WFDC5: variants seen among roughly 807,000 people sequenced by gnomAD.
WFDC5 encodes WAP four-disulfide core domain 5.
A neutral mutation model predicts 15.7 loss-of-function variants in WFDC5; 15 were observed. That is an observed-to-expected ratio of 0.96 (90% CI 0.64 to 1.47). WFDC5 has a LOEUF of 1.47. Among genes scored for constraint, WFDC5 ranks in the 40% most tolerant of loss-of-function variants. WFDC5 has a pLI of 0.00. For missense variants in WFDC5, 280 were observed against 258.0 expected (o/e 1.09, Z -0.59); for synonymous variants, 109 against 107.7 (o/e 1.01, Z -0.07).
At chr20:45,113,359 T>A (rs1315414111) in intron 1 of WFDC5, among the ~76,000 whole-genome samples, 1 of 152,152 alleles carries the variant, frequency 6.6e-6, no homozygotes, top group Non-Finnish European at 1.5e-5. Context: ...GAGAAACCAG[T>A]GGGGGACAAG....
intron 1 of WFDC5, among the ~76,000 whole-genome samples, chr20:45,113,048 A>T (rs185119790): frequency 6.6e-6 from 1 of 152,206 alleles, no homozygotes; most frequent in Non-Finnish European, 1.5e-5. Flanking sequence ...ATACATAAGC[A>T]TACACAGTCA....
Position 45,112,984 on chromosome 20 carries a change from C to T in WFDC5, c.85+2015G>A, listed in dbSNP as rs74274725. ...ACACAGATAGACACTCAGACACACACAGTTATGTATATAAATATATAAATA... is the reference window on the plus strand; with the variant it reads ...ACACAGATAGACACTCAGACACACATAGTTATGTATATAAATATATAAATA... On this transcript the variant is annotated intron_variant, in intron 1 of 3. Coordinates refer to ENST00000307971, the Ensembl canonical transcript of WFDC5. Among the ~76,000 whole-genome samples, 174 of 152,226 alleles carry T rather than the reference C, an allele frequency of 1.1e-3. 4 individuals are homozygous for T. The East Asian group carries it at 0.031, about 27-fold the overall frequency.
chr20:45,111,566 C>T (rs554045033), intron 1 of WFDC5, among the ~76,000 whole-genome samples: 3 of 152,312 alleles, frequency 2.0e-5, no homozygotes, highest in South Asian at 4.1e-4. Flanking sequence ...TGCACCGTTG[C>T]GTTCATCACT....
intron 1 of WFDC5, among the ~76,000 whole-genome samples, chr20:45,112,312 G>A (rs1319496130): frequency 1.3e-5 from 2 of 152,116 alleles, no homozygotes; most frequent in African/African-American, 4.8e-5. Flanking sequence ...AGCCGGGTGG[G>A]TCAGGCAGGG....
chr20:45,113,718 C>G (rs1041778692), intron 1 of WFDC5, among the ~76,000 whole-genome samples: 1 of 152,246 alleles, frequency 6.6e-6, no homozygotes, highest in African/African-American at 2.4e-5. Flanking sequence ...CTAAGTCATT[C>G]TTTGTTCTCT....
intron 1 of WFDC5, 106 bp downstream of exon 1, chr20:45,114,881 ACACACACACGCG>A (rs142175629): frequency 0.011 from 11,350 of 1,018,044 alleles, 186 homozygotes; most frequent in African/African-American, 0.061. Flanking sequence ...GCACGCACGC[ACACACACACGCG>A]CACACACACC....
At chr20:45,110,292 G>A in intron 3 of WFDC5, 108 bp downstream of exon 3, 2 of 1,505,892 alleles carry the variant, frequency 1.3e-6, no homozygotes, top group Middle Eastern at 4.7e-4. Context: ...GGCCATGGGA[G>A]GTCCTGACTT....
chr20:45,116,287 C>G (rs780033262), upstream of WFDC5, among the ~76,000 whole-genome samples: 11 of 152,156 alleles, frequency 7.2e-5, no homozygotes, highest in Non-Finnish European at 1.5e-4. Flanking sequence ...CTTCTATGAT[C>G]TGATGTTGCT....
chr20:45,115,177 G>A, upstream of WFDC5: 1 of 1,229,760 alleles, frequency 8.1e-7, no homozygotes, highest in Non-Finnish European at 1.1e-6. Context: ...GGAAAGAGAG[G>A]GGGTGTGGAG....
At position 45,110,415 on chromosome 20, in the gene WFDC5, G is replaced by A. The variant is rs756806925; in HGVS notation, c.352C>T (p.Arg118Trp). 2.1e-5 allele frequency: 34 copies of A among 1,606,224 alleles called. No homozygotes were observed. The highest frequency in any genetic ancestry group is 1.1e-4 in the East Asian group (5 of 44,642). The change falls in exon 3 of 4, where the codon CGG becomes TGG. Residue 118 changes from arginine to tryptophan, a missense_variant. Transcript: ENST00000307971. ...GGAGCCGTACCTCTGGCAGGATCCC[G>A]GCAATCCCGCCCGCAGGCGCTGTGG...
At chr20:45,109,902 G>T (rs188147053) in exon 4 of WFDC5, 12 of 1,490,636 alleles carry the variant, frequency 8.1e-6, no homozygotes, top group Non-Finnish European at 9.4e-6. Context: ...TGGAACCACC[G>T]CTGGTAGAGA....
At chr20:45,110,950 G>A (rs1223581004) in intron 1 of WFDC5, among the ~76,000 whole-genome samples, 175 bp from the exon 2 acceptor site, 1 of 152,130 alleles carries the variant, frequency 6.6e-6, no homozygotes, top group African/African-American at 2.4e-5. Context: ...CAGTTTTCTG[G>A]CTGTGAAATG....
chr20:45,110,471 T>C (rs1379340073), exon 3 of WFDC5: 1 of 1,614,112 alleles, frequency 6.2e-7, no homozygotes, highest in East Asian at 2.2e-5. Flanking sequence ...GCAGTCTGAG[T>C]CCTTGTGACA....
chr20:45,112,885 G>T (rs1269437083), intron 1 of WFDC5, among the ~76,000 whole-genome samples: 1 of 152,030 alleles, frequency 6.6e-6, no homozygotes, highest in Non-Finnish European at 1.5e-5. Context: ...ATATAAACAG[G>T]CAGTCATGTA....
At chr20:45,110,743 G>A (rs1310334769) in exon 2 of WFDC5, 4 of 1,614,146 alleles carry the variant, frequency 2.5e-6, no homozygotes, top group South Asian at 1.1e-5. Flanking sequence ...AGGAGGCAGG[G>A]CCCATCATCT....
intron 1 of WFDC5, among the ~76,000 whole-genome samples, chr20:45,113,195 A>T (rs1981668351): frequency 6.6e-6 from 1 of 152,188 alleles, no homozygotes; most frequent in Admixed American, 6.5e-5. Flanking sequence ...AGACACCCAG[A>T]CGTTTGAGTG....
rs1468119045 is a variant in WFDC5, at chr20:45,111,721, G to C, written c.86-946C>G. On this transcript the variant is annotated intron_variant, in intron 1 of 3. Coordinates refer to ENST00000307971, the Ensembl canonical transcript of WFDC5. ...GCCATGTTCATATTTCATGCACAAAGCTGGAAATCAGTATCCTCCTCCATG... is the reference window on the plus strand; with the variant it reads ...GCCATGTTCATATTTCATGCACAAACCTGGAAATCAGTATCCTCCTCCATG... Among the ~76,000 whole-genome samples the C allele has an allele frequency of 2.6e-5, 4 of 152,164 alleles. No homozygotes were observed. The East Asian group carries it at 5.8e-4, about 22-fold the overall frequency.
At chr20:45,114,793 G>A (rs1981712335) in intron 1 of WFDC5, among the ~76,000 whole-genome samples, 1 of 150,582 alleles carries the variant, frequency 6.6e-6, no homozygotes, top group Non-Finnish European at 1.5e-5. Context: ...ACAGGCAGGT[G>A]GACAGGCACA....
At chr20:45,109,751 C>A in exon 4 of WFDC5, 4 of 719,158 alleles carry the variant, frequency 5.6e-6, no homozygotes, top group Non-Finnish European at 1.0e-5. Flanking sequence ...GTGGGAAGCT[C>A]GTATGGCAGT....
Sources: gnomAD v4.1 joint callset for allele counts (sites outside exome capture counted in the v4.1 genomes callset) on GRCh38, gnomAD v4.1.1 for gene constraint, MANE v1.5 for transcripts, NCBI Gene and HGNC (gene_info 2026-07-23, HGNC 2026-07-21) for gene names.